The following FAR2 variants were observed in gnomAD, a reference collection of about 807,000 sequenced individuals.
The protein encoded by FAR2 is fatty acyl-CoA reductase 2, also known as epididymis secretory protein Li 81.
Under a neutral mutation model 56.0 loss-of-function variants are expected in FAR2, and 19 were observed. That is an observed-to-expected ratio of 0.34 (90% CI 0.24 to 0.50). The LOEUF (loss-of-function observed/expected upper bound fraction) is 0.50, where lower values mean the gene tolerates loss of function less well. FAR2 is among the 20% of genes least tolerant of loss of function. The pLI, the probability that FAR2 is intolerant of heterozygous loss-of-function variation, is 0.98. For synonymous variants in FAR2, 219 were observed against 218.8 expected (o/e 1.00, Z -0.01); for missense variants, 508 against 642.2 (o/e 0.79, Z 2.26).
chr12:29,216,863 G>A (rs1173626857), intron 1 of FAR2, among the ~76,000 whole-genome samples: 2 of 152,116 alleles, frequency 1.3e-5, no homozygotes, highest in Non-Finnish European at 2.9e-5. Context: ...TTTATCAAAA[G>A]AGCTACAAAG....
At chr12:29,189,445 C>G (rs1261646930) in intron 1 of FAR2, among the ~76,000 whole-genome samples, 1 of 152,128 alleles carries the variant, frequency 6.6e-6, no homozygotes, top group Admixed American at 6.5e-5. Context: ...TGTACGCTCA[C>G]CTTGTATTTT....
At chr12:29,192,723 T>C (rs1261899555) in intron 1 of FAR2, among the ~76,000 whole-genome samples, 8 of 152,220 alleles carry the variant, frequency 5.3e-5, no homozygotes, top group Admixed American at 5.2e-4. Flanking sequence ...CCATAAAACA[T>C]TGCATTTGTG....
chr12:29,180,721 T>TTATC (rs59448421), intron 1 of FAR2, among the ~76,000 whole-genome samples: 41,323 of 146,412 alleles, frequency 0.28, 5,818 homozygotes, highest in Non-Finnish European at 0.31. Context: ...TATTCATTGT[T>TTATC]TATCTATCTA....
At chr12:29,224,449 T>C (rs897742427) in intron 1 of FAR2, among the ~76,000 whole-genome samples, 2 of 152,244 alleles carry the variant, frequency 1.3e-5, no homozygotes, top group South Asian at 2.1e-4. Flanking sequence ...TATGATACTT[T>C]AATTGCATTT....
chr12:29,251,571 C>T (rs934150078), intron 1 of FAR2, among the ~76,000 whole-genome samples: 17 of 152,256 alleles, frequency 1.1e-4, no homozygotes, highest in Admixed American at 3.9e-4. Flanking sequence ...GTACTGTGGT[C>T]TTTTCTCTAG....
intron 9 of FAR2, among the ~76,000 whole-genome samples, chr12:29,318,602 G>C (rs1205540503): frequency 6.6e-6 from 1 of 152,130 alleles, no homozygotes; most frequent in Non-Finnish European, 1.5e-5. Context: ...ACCCTTTCCT[G>C]CTCCAGGTGT....
chr12:29,181,042 A>G (rs1949987161), intron 1 of FAR2, among the ~76,000 whole-genome samples: 1 of 152,142 alleles, frequency 6.6e-6, no homozygotes, highest in Non-Finnish European at 1.5e-5. Flanking sequence ...TTAAATATTC[A>G]TTAATTCCTA....
chr12:29,264,631 A>G (rs1207213747), intron 1 of FAR2, among the ~76,000 whole-genome samples: 1 of 118,414 alleles, frequency 8.4e-6, no homozygotes, highest in Non-Finnish European at 1.7e-5. Context: ...AAATAAATAA[A>G]TAAATAAATA....
chr12:29,236,753 C>T (rs1396555758), intron 1 of FAR2, among the ~76,000 whole-genome samples: 5 of 151,032 alleles, frequency 3.3e-5, no homozygotes, highest in Admixed American at 2.6e-4. Flanking sequence ...GGTGGGGACA[C>T]AGAGCAAAAT....
intron 1 of FAR2, among the ~76,000 whole-genome samples, chr12:29,222,388 G>T (rs1456077962): frequency 6.6e-6 from 1 of 152,146 alleles, no homozygotes; most frequent in Non-Finnish European, 1.5e-5. Flanking sequence ...TGCAATAGGG[G>T]TCAAGACTAT....
At chr12:29,247,068 C>A (rs907385688) in intron 1 of FAR2, among the ~76,000 whole-genome samples, 2 of 152,126 alleles carry the variant, frequency 1.3e-5, no homozygotes, top group African/African-American at 4.8e-5. Context: ...TACATTTACT[C>A]ACATATTTCC....
chr12:29,233,482 T>C (rs1947890826), intron 1 of FAR2, among the ~76,000 whole-genome samples: 1 of 152,188 alleles, frequency 6.6e-6, no homozygotes, highest in South Asian at 2.1e-4. Context: ...GTAGCCTTAA[T>C]ACAAGAAATC....
intron 1 of FAR2, among the ~76,000 whole-genome samples, chr12:29,213,689 C>CA (rs34410137): frequency 0.44 from 58,133 of 130,646 alleles, 14,182 homozygotes; most frequent in Admixed American, 0.57. Flanking sequence ...GACTCTGTCT[C>CA]AAAAAAAAAA....
chr12:29,237,280 T>C (rs144019788), intron 1 of FAR2, among the ~76,000 whole-genome samples: 1 of 152,318 alleles, frequency 6.6e-6, no homozygotes, highest in East Asian at 1.9e-4. Flanking sequence ...AAAATCATTT[T>C]CATAAAAATA....
chr12:29,326,090 A>T (rs1197479549), intron 10 of FAR2, among the ~76,000 whole-genome samples: 1 of 152,192 alleles, frequency 6.6e-6, no homozygotes, highest in African/African-American at 2.4e-5. Context: ...ATCCCACAGA[A>T]ATACAAACTA....
chr12:29,214,906 G>A (rs1193702649), intron 1 of FAR2, among the ~76,000 whole-genome samples: 1 of 152,066 alleles, frequency 6.6e-6, no homozygotes, highest in African/African-American at 2.4e-5. Context: ...GGGAAAGAGA[G>A]AATTAGATTA....
intron 1 of FAR2, among the ~76,000 whole-genome samples, chr12:29,189,577 CTCTAGGCCCTCTCAGTTAACATAGCTAAG>C (rs776626717): frequency 2.6e-4 from 40 of 152,144 alleles, no homozygotes; most frequent in Non-Finnish European, 4.9e-4. Flanking sequence ...GTGTCATTGA[CTCTAGGCCCTCTCAGTTAACATAGCTAAG>C]AAATGCATGA....
intron 1 of FAR2, among the ~76,000 whole-genome samples, chr12:29,166,283 T>C (rs1397889302): frequency 6.6e-6 from 1 of 152,218 alleles, no homozygotes; most frequent in Non-Finnish European, 1.5e-5. Flanking sequence ...TATCTATATC[T>C]ATACATAATT....
intron 1 of FAR2, among the ~76,000 whole-genome samples, chr12:29,216,671 C>T (rs919183669): frequency 6.6e-6 from 1 of 152,130 alleles, no homozygotes; most frequent in African/African-American, 2.4e-5. Flanking sequence ...AAAAAGGCTG[C>T]TGTTAGCCTT....
Sources: gnomAD v4.1 joint callset for allele counts (sites outside exome capture counted in the v4.1 genomes callset) on GRCh38, gnomAD v4.1.1 for gene constraint, MANE v1.5 for transcripts, NCBI Gene and HGNC (gene_info 2026-07-23, HGNC 2026-07-21) for gene names.